Variants in RNF157 observed in about 807,000 individuals in gnomAD.
The protein encoded by RNF157 is ring finger protein 157.
A neutral mutation model predicts 88.3 loss-of-function variants in RNF157; 55 were observed. That is an observed-to-expected ratio of 0.62 (90% CI 0.50 to 0.78). The LOEUF is 0.78. Ranked by LOEUF, RNF157 falls within the 30% of genes least tolerant of loss-of-function variation. The probability of loss-of-function intolerance (pLI) is 0.00; values close to 1 mark genes in which losing one functional copy is unlikely to be tolerated. For missense variants in RNF157, 788 were observed against 860.8 expected (o/e 0.92, Z 1.06); for synonymous variants, 334 against 341.2 (o/e 0.98, Z 0.23).
At chr17:76,231,641 GA>G (rs1004650134) in intron 1 of RNF157, among the ~76,000 whole-genome samples, 3 of 147,114 alleles carry the variant, frequency 2.0e-5, no homozygotes, top group South Asian at 2.1e-4. Context: ...ATTTAAAAAA[GA>G]AAAAAAAAAG....
At chr17:76,192,087 A>G (rs964801305) in intron 2 of RNF157, among the ~76,000 whole-genome samples, 2 of 152,378 alleles carry the variant, frequency 1.3e-5, no homozygotes, top group African/African-American at 4.8e-5. Context: ...GATGGGGTGC[A>G]CAATGACAAC....
intron 2 of RNF157, among the ~76,000 whole-genome samples, chr17:76,201,481 C>T (rs1221585444): frequency 6.6e-6 from 1 of 151,828 alleles, no homozygotes; most frequent in Non-Finnish European, 1.5e-5. Context: ...CACTGCACTC[C>T]AGCTTGGGTG....
At chr17:76,239,689 G>A (rs776995475) in intron 1 of RNF157, among the ~76,000 whole-genome samples, 1 of 152,180 alleles carries the variant, frequency 6.6e-6, no homozygotes, top group Non-Finnish European at 1.5e-5. Context: ...GGCAGCGCAG[G>A]GATAGCACCT....
At chr17:76,178,109 A>C (rs1203792770) in intron 2 of RNF157, among the ~76,000 whole-genome samples, 1 of 152,232 alleles carries the variant, frequency 6.6e-6, no homozygotes, top group African/African-American at 2.4e-5. Context: ...TGGTGGGACT[A>C]AAAGAGCTGT....
At chr17:76,224,015 T>C (rs2070034019) in intron 1 of RNF157, among the ~76,000 whole-genome samples, 1 of 152,170 alleles carries the variant, frequency 6.6e-6, no homozygotes, top group Non-Finnish European at 1.5e-5. Context: ...CTATCAGCAC[T>C]TTCTGGCTCT....
intron 2 of RNF157, among the ~76,000 whole-genome samples, chr17:76,209,482 GT>G (rs11439973): frequency 5.7e-4 from 83 of 146,738 alleles, no homozygotes; most frequent in Middle Eastern, 3.5e-3. Context: ...ATTTTTTTGC[GT>G]TTTTTTTTTT....
intron 2 of RNF157, among the ~76,000 whole-genome samples, chr17:76,174,518 A>G (rs1196708677): frequency 2.0e-5 from 3 of 152,256 alleles, no homozygotes; most frequent in Non-Finnish European, 2.9e-5. Flanking sequence ...TCTGAGGATC[A>G]AGAATGATTT....
rs148735159 is a variant in RNF157, at chr17:76,210,991, G to A, written c.207+1373C>T. Among the ~76,000 whole-genome samples, 10 of 152,266 alleles carry A rather than the reference G, an allele frequency of 6.6e-5. No individual in the cohort carries two copies. The East Asian group carries it at 1.9e-3, about 29-fold the overall frequency. Reference sequence around the variant, plus strand: ...GGCTAATTTTTGTGTTTTTAATAGAGATAGGGTTTCACCATGTTGGCCAGG... The same window carrying A: ...GGCTAATTTTTGTGTTTTTAATAGAAATAGGGTTTCACCATGTTGGCCAGG... On this transcript the variant is annotated intron_variant, in intron 2 of 18. Coordinates refer to ENST00000269391, the MANE Select transcript of RNF157 (RefSeq NM_052916.3).
chr17:76,177,092 C>G lies in RNF157; in HGVS notation c.208-3302G>C, dbSNP rs577280411. On this transcript the variant is annotated intron_variant, in intron 2 of 18. Coordinates refer to ENST00000269391, the MANE Select transcript of RNF157 (RefSeq NM_052916.3). ...GCCCGTGAAGCACCGGGGGAACAGG[C>G]AGAGCTCATGGCGATGTCACCCTGC... is the stretch of plus-strand genomic sequence containing the variant. 4.6e-5 allele frequency among the ~76,000 whole-genome samples: 7 copies of G among 152,262 alleles called. No homozygotes were observed. The East Asian group carries it at 1.4e-3, about 30-fold the overall frequency.
intron 2 of RNF157, among the ~76,000 whole-genome samples, chr17:76,186,197 A>G (rs2069283419): frequency 6.6e-6 from 1 of 152,138 alleles, no homozygotes; most frequent in African/African-American, 2.4e-5. Context: ...GTCCCATTAA[A>G]AAACATCGAC....
rs9904343 is a variant in RNF157, at chr17:76,160,251, A to C, written c.1066-678T>G. Among the ~76,000 whole-genome samples the C allele has an allele frequency of 0.29, 43,362 of 152,082 alleles. 6,931 individuals are homozygous for C. The highest frequency in any genetic ancestry group is 0.43 in the African/African-American group (17,845 of 41,470). On this transcript the variant is annotated intron_variant, in intron 11 of 18. Transcript: ENST00000269391. The surrounding 1 kb of genome is among the most constrained non-coding windows in gnomAD (Gnocchi z 4.3). ...TGTCTAACACATCCTATTGTAAACA[A>C]GTTTTGATGAACATCCTTGAATGCC...
intron 7 of RNF157, among the ~76,000 whole-genome samples, 159 bp downstream of exon 7, chr17:76,165,343 G>A (rs948053371): frequency 2.6e-5 from 4 of 151,792 alleles, no homozygotes; most frequent in Non-Finnish European, 4.4e-5. Context: ...GCTGGAGTGC[G>A]GTGGTGCCAT....
At chr17:76,237,360 C>A (rs1356635699) in intron 1 of RNF157, among the ~76,000 whole-genome samples, 2 of 152,220 alleles carry the variant, frequency 1.3e-5, no homozygotes, top group African/African-American at 4.8e-5. Context: ...CGCTTTCCAG[C>A]GAGCCAGATA....
intron 1 of RNF157, among the ~76,000 whole-genome samples, chr17:76,218,279 AG>A (rs2069924195): frequency 6.6e-6 from 1 of 152,182 alleles, no homozygotes; most frequent in African/African-American, 2.4e-5. Context: ...TCAGAAGACA[AG>A]GGAGTAACAT....
intron 1 of RNF157, among the ~76,000 whole-genome samples, chr17:76,216,894 A>G (rs111915535): frequency 4.6e-5 from 7 of 151,902 alleles, no homozygotes; most frequent in Admixed American, 3.3e-4. Context: ...CTGTGTCAAA[A>G]AAAAACAAAA....
intron 12 of RNF157, 132 bp downstream of exon 12, chr17:76,159,202 AC>A: frequency 1.3e-6 from 1 of 740,874 alleles, no homozygotes; most frequent in Non-Finnish European, 2.3e-6. Flanking sequence ...GATAACCTTC[AC>A]GCAAGCAGCT....
At chr17:76,154,069 T>C (rs1028094172) in intron 17 of RNF157, 2 of 560,596 alleles carry the variant, frequency 3.6e-6, no homozygotes, top group Non-Finnish European at 6.4e-6. Flanking sequence ...CTGACATCCA[T>C]GGCTCTGAGG....
At position 76,194,876 on chromosome 17, in the gene RNF157, G is replaced by A. The variant is rs368877190; in HGVS notation, c.207+17488C>T. Among the ~76,000 whole-genome samples the A allele has an allele frequency of 5.7e-4, 86 of 152,206 alleles. 1 individual carries two copies. In the East Asian group the frequency reaches 0.01, roughly 18 times the overall value. ...TAAAAATACAAAAAATTAGCCAGGCGTGGTGGCGGGCGCCTGTAGTCCCAG... is the reference window on the plus strand; with the variant it reads ...TAAAAATACAAAAAATTAGCCAGGCATGGTGGCGGGCGCCTGTAGTCCCAG... On this transcript the variant is annotated intron_variant, in intron 2 of 18. Transcript: ENST00000269391.
intron 1 of RNF157, among the ~76,000 whole-genome samples, chr17:76,238,466 AG>A (rs1281922581): frequency 2.0e-5 from 3 of 152,252 alleles, no homozygotes; most frequent in East Asian, 1.9e-4. Context: ...AATTAACAAA[AG>A]TTTTGGTTTG....
Sources: allele counts gnomAD v4.1 joint callset (sites outside exome capture counted in the v4.1 genomes callset), GRCh38; gene constraint gnomAD v4.1.1; non-coding constraint Gnocchi (gnomAD v3.1); transcripts MANE v1.5; gene names NCBI Gene and HGNC (gene_info 2026-07-23, HGNC 2026-07-21).